Variants in HCK observed in about 807,000 individuals in gnomAD.
The protein encoded by HCK is tyrosine-protein kinase HCK.
In HCK, 40 loss-of-function variants were observed where a neutral mutation model predicts 70.4. The observed-to-expected ratio is 0.57, with a 90% CI of 0.44 to 0.74. The LOEUF is 0.74. Among genes scored for constraint, HCK ranks in the 30% least tolerant of loss-of-function variants. The pLI is 0.00. For synonymous variants in HCK, 245 were observed against 263.2 expected, an observed-to-expected ratio of 0.93 and a Z score of 0.67; for missense variants, 568 against 697.2, an observed-to-expected ratio of 0.81 and a Z score of 2.09.
chr20:32,066,331 T>TTTTTTTGG (rs60044994), intron 1 of HCK, among the ~76,000 whole-genome samples: 1 of 81,878 alleles, frequency 1.2e-5, no homozygotes, highest in Admixed American at 1.6e-4. Context: ...TTTTTTTTTT[T>TTTTTTTGG]GACAGAGTCT....
At chr20:32,067,803 G>A (rs779420656) in intron 1 of HCK, among the ~76,000 whole-genome samples, 133 of 152,110 alleles carry the variant, frequency 8.7e-4, no homozygotes, top group Non-Finnish European at 1.4e-3. Flanking sequence ...TGGAGTCATA[G>A]CTGAGATGTG....
At position 32,080,692 on chromosome 20, in the gene HCK, A is replaced by T. The variant is rs117948101; in HGVS notation, c.532+815A>T. ...TTTCTGTTTTTCTTTCTTTCTTTTT[A>T]GTAGAGATGGGGTTTTGCCATGTTG... On this transcript the variant is annotated intron_variant, in intron 6 of 12. Transcript: ENST00000375852. Among the ~76,000 whole-genome samples, 2,345 of 152,058 alleles carry T rather than the reference A, an allele frequency of 0.015. 140 individuals are homozygous for T. In the East Asian group the frequency reaches 0.2, roughly 13 times the overall value.
intron 11 of HCK, among the ~76,000 whole-genome samples, chr20:32,096,413 T>C (rs1371088140): frequency 6.7e-6 from 1 of 149,962 alleles, no homozygotes; most frequent in Non-Finnish European, 1.5e-5. Context: ...AGGAGAATCA[T>C]TTGAACCCGG....
chr20:32,084,143 G>T, intron 7 of HCK, 100 bp downstream of exon 7: 1 of 1,327,486 alleles, frequency 7.5e-7, no homozygotes, highest in Non-Finnish European at 1.0e-6. Flanking sequence ...GTCCTTCTTG[G>T]CCATCCCCTA....
intron 1 of HCK, among the ~76,000 whole-genome samples, chr20:32,069,175 A>G (rs749075140): frequency 5.3e-5 from 8 of 152,186 alleles, no homozygotes; most frequent in South Asian, 2.1e-4. Context: ...ACACTCATCA[A>G]CTTGCTCAGT....
chr20:32,075,607 G>A (rs571719085), intron 5 of HCK, among the ~76,000 whole-genome samples: 85 of 152,254 alleles, frequency 5.6e-4, no homozygotes, highest in Admixed American at 1.1e-3. Context: ...CTACCCTCAA[G>A]GAGCTCTCCA....
At chr20:32,095,857 ATATTTATTTATTTATTTATTTATT>A (rs142126874) in intron 11 of HCK, among the ~76,000 whole-genome samples, 3 of 147,132 alleles carry the variant, frequency 2.0e-5, no homozygotes, top group African/African-American at 7.5e-5. Flanking sequence ...TGTTAGCCTA[ATATTTATTTATTTATTTATTTATT>A]TATTTATTTA....
chr20:32,094,196 T>C (rs6121337), intron 11 of HCK, among the ~76,000 whole-genome samples, 180 bp downstream of exon 11: 69,799 of 151,988 alleles, frequency 0.46, 18,717 homozygotes, highest in African/African-American at 0.76. Flanking sequence ...CACTCAGAGA[T>C]TTTGAGGAGA....
rs780861004 is a variant in HCK, at chr20:32,084,498, C to T, written c.790C>T (p.Leu264=). Residue 264 remains leucine (L), a synonymous_variant, in exon 8 of 13, where the codon CTG becomes TTG. Coordinates refer to ENST00000375852, the MANE Select transcript of HCK (RefSeq NM_002110.5). Reference sequence around the variant, plus strand: ...GGAGATCCCTCGGGAATCCCTCAAGCTGGAGAAGAAACTTGGAGCTGGGCA... The same window carrying T: ...GGAGATCCCTCGGGAATCCCTCAAGTTGGAGAAGAAACTTGGAGCTGGGCA... 2 of 1,614,088 alleles carry T rather than the reference C, an allele frequency of 1.2e-6. No individual in the cohort carries two copies. Among genetic ancestry groups the T allele is most frequent in the East Asian group, 4.5e-5 (2 of 44,878 alleles).
Position 32,073,458 on chromosome 20 carries a change from A to C in HCK, c.226+97A>C, listed in dbSNP as rs2045573629. On this transcript the variant is annotated intron_variant, in intron 3 of 12. Transcript: ENST00000375852. The stretch of plus-strand genomic sequence containing the variant: ...TGAGGCATAAATCCCAAACAGTCAA[A>C]CCCCTGTCGAGAATCCCCAAAATTT... 5 of 1,107,496 alleles carry C rather than the reference A, an allele frequency of 4.5e-6. No homozygotes were observed. In the East Asian group the frequency reaches 1.2e-4, roughly 26 times the overall value. The allele number at this position is 1,107,496 out of a possible 1,614,324, so 68.6% of individuals were successfully genotyped here. A position where few individuals can be genotyped will look rare whatever the true frequency, so the allele number is the denominator to read the frequency against.
At chr20:32,091,748 A>G (rs1256943346) in intron 10 of HCK, among the ~76,000 whole-genome samples, 2 of 152,008 alleles carry the variant, frequency 1.3e-5, no homozygotes, top group Non-Finnish European at 2.9e-5. Flanking sequence ...CACTTTGGGA[A>G]GCTGAAGCAG....
At chr20:32,088,019 C>G (rs2045814343) in intron 9 of HCK, among the ~76,000 whole-genome samples, 1 of 152,130 alleles carries the variant, frequency 6.6e-6, no homozygotes, top group Non-Finnish European at 1.5e-5. Context: ...AACTGATCCT[C>G]CCAAAGCTTT....
At chr20:32,085,214 G>A (rs1202454809) in intron 8 of HCK, among the ~76,000 whole-genome samples, 2 of 152,182 alleles carry the variant, frequency 1.3e-5, no homozygotes, top group African/African-American at 4.8e-5. Context: ...TATTTATTGC[G>A]ATTCTGCTGC....
rs1198562810 is a variant in HCK, at chr20:32,101,577, A to T, written c.*58A>T. On this transcript the variant is annotated 3_prime_UTR_variant, in exon 13 of 13. Coordinates refer to ENST00000375852, the MANE Select transcript of HCK (RefSeq NM_002110.5). The stretch of plus-strand genomic sequence containing the variant: ...CAGGTGGTGGCTGCAAGGTGGCTCC[A>T]GCACCATCCGCCAGGGCCCACACCC... 3 of 1,457,100 alleles carry T rather than the reference A, an allele frequency of 2.1e-6. No individual in the cohort carries two copies. 90.3% of individuals were successfully genotyped at this position (1,457,100 alleles called of 1,614,324 possible). A position where few individuals can be genotyped will look rare whatever the true frequency, so the allele number is the denominator to read the frequency against.
chr20:32,057,592 C>T (rs981985240), intron 1 of HCK, among the ~76,000 whole-genome samples: 2 of 152,026 alleles, frequency 1.3e-5, no homozygotes, highest in African/African-American at 2.4e-5. Context: ...AGAGCAAGAC[C>T]CTGTCTCATA....
At chr20:32,052,604 A>G in intron 1 of HCK, 118 bp downstream of exon 1, 1 of 720,942 alleles carries the variant, frequency 1.4e-6, no homozygotes, top group Non-Finnish European at 2.0e-6. Context: ...CAGCGAGGGG[A>G]GACGGAACGT....
At position 32,073,355 on chromosome 20, in the gene HCK, A is replaced by G; in HGVS notation, c.220A>G (p.Arg74Gly). The G allele has an allele frequency of 4.3e-6, 7 of 1,611,692 alleles. No individual in the cohort carries two copies. Among genetic ancestry groups the G allele is most frequent in the Non-Finnish European group, 5.9e-6 (7 of 1,179,100 alleles). The change falls in exon 3 of 13, where the codon AGG becomes GGG. Residue 74 changes from arginine to glycine, a missense_variant. Transcript: ENST00000375852. Reference sequence around the variant, plus strand: ...CCACAACAGCAACACACCAGGAATCAGGGAGGGTAAGTATCTACGAGCAGA... The same window carrying G: ...CCACAACAGCAACACACCAGGAATCGGGGAGGGTAAGTATCTACGAGCAGA...
intron 1 of HCK, among the ~76,000 whole-genome samples, chr20:32,066,286 A>G (rs1192492816): frequency 3.3e-5 from 4 of 122,056 alleles, no homozygotes; most frequent in Non-Finnish European, 6.9e-5. Context: ...GAAATTGTCC[A>G]TTGTGCCCTC....
intron 2 of HCK, 26 bp from the exon 3 acceptor site, chr20:32,073,293 T>C: frequency 6.2e-7 from 1 of 1,605,288 alleles, no homozygotes; most frequent in Non-Finnish European, 8.5e-7. Context: ...TCAGATTCAT[T>C]CTCTTCTCTC....
Sources: allele counts gnomAD v4.1 joint callset (sites outside exome capture counted in the v4.1 genomes callset), GRCh38; gene constraint gnomAD v4.1.1; transcripts MANE v1.5; gene names NCBI Gene and HGNC (gene_info 2026-07-23, HGNC 2026-07-21).